Variants in NR3C1 observed in about 807,000 individuals in gnomAD.
The protein encoded by NR3C1 is nuclear receptor subfamily 3 group C member 1.
NR3C1 carries 14 observed loss-of-function variants against 74.0 expected under a neutral mutation model. The observed-to-expected ratio is 0.19, with a 90% CI of 0.12 to 0.30. The LOEUF is 0.30. NR3C1 is among the 10% of genes least tolerant of loss of function. The probability of loss-of-function intolerance (pLI) is 1.00; values close to 1 mark genes in which losing one functional copy is unlikely to be tolerated. For missense variants in NR3C1, 695 were observed against 909.8 expected (o/e 0.76, Z 3.04); for synonymous variants, 308 against 332.5 (o/e 0.93, Z 0.80).
At chr5:143,385,627 A>T (rs1837055494) in intron 2 of NR3C1, among the ~76,000 whole-genome samples, 1 of 152,224 alleles carries the variant, frequency 6.6e-6, no homozygotes, top group African/African-American at 2.4e-5. Flanking sequence ...GGCAGGGGCA[A>T]AATGCTGTCA....
In NR3C1 at chr5:143,402,944, G is replaced by C. The variant is rs1840613144; in HGVS notation, c.-14+267C>G. On this transcript the variant is annotated intron_variant, in intron 1 of 8. Transcript: ENST00000394464. ...AGAGGCTCGAAGCCCCCGGCAGTTC[G>C]ACAGGGCTCCGCTCGCCGTCCGAGG... The C allele has an allele frequency of 6.5e-6, 5 of 768,806 alleles. No homozygotes were observed. In the African/African-American group the frequency reaches 7.5e-5, roughly 12 times the overall value. 47.6% of individuals were successfully genotyped at this position (768,806 alleles called of 1,614,324 possible). A position where few individuals can be genotyped will look rare whatever the true frequency, so the allele number is the denominator to read the frequency against.
chr5:143,336,122 C>A (rs1484120460), intron 2 of NR3C1, among the ~76,000 whole-genome samples: 11 of 152,182 alleles, frequency 7.2e-5, no homozygotes, highest in African/African-American at 2.7e-4. Context: ...GAGGACATAG[C>A]TATAAAGCTC....
chr5:143,295,234 A>G (rs550777154), intron 7 of NR3C1: 2 of 985,330 alleles, frequency 2.0e-6, no homozygotes, highest in East Asian at 1.1e-4. Context: ...AGAGATCCCT[A>G]TGCAGCTCAT....
chr5:143,416,582 C>A (rs1358421877), intron 1 of NR3C1, among the ~76,000 whole-genome samples: 1 of 152,184 alleles, frequency 6.6e-6, no homozygotes, highest in African/African-American at 2.4e-5. Flanking sequence ...TATTCCCCCT[C>A]CTTCTCTTCC....
In NR3C1 at chr5:143,336,796, C is replaced by G. The variant is rs771805437; in HGVS notation, c.1185-22628G>C. 1.3e-4 allele frequency among the ~76,000 whole-genome samples: 20 copies of G among 151,690 alleles called. 1 individual carries two copies. The highest frequency in any genetic ancestry group is 2.4e-5 in the African/African-American group (1 of 41,364). On this transcript the variant is annotated intron_variant, in intron 2 of 8. Transcript: ENST00000394464. ...AGTGAGGAGTTCAAGTCCAGCCTGTCAACATGGCGAAACCCTGTTTCTATT... is the reference window on the plus strand; with the variant it reads ...AGTGAGGAGTTCAAGTCCAGCCTGTGAACATGGCGAAACCCTGTTTCTATT...
At chr5:143,337,616 A>G (rs1019017197) in intron 2 of NR3C1, among the ~76,000 whole-genome samples, 2 of 152,374 alleles carry the variant, frequency 1.3e-5, no homozygotes, top group South Asian at 2.1e-4. Flanking sequence ...AAACATCCAT[A>G]TATCTTATCT....
chr5:143,301,025 A>G (rs1192652423), intron 4 of NR3C1, among the ~76,000 whole-genome samples: 1 of 152,194 alleles, frequency 6.6e-6, no homozygotes, highest in Non-Finnish European at 1.5e-5. Flanking sequence ...TATACAAAGT[A>G]TTATAACGGT....
intron 1 of NR3C1, among the ~76,000 whole-genome samples, chr5:143,413,902 G>T (rs73797465): frequency 0.23 from 18,342 of 79,454 alleles, 1,339 homozygotes; most frequent in South Asian, 0.39. Context: ...GGAGAAAAGG[G>T]ATTTCTGGGC....
At chr5:143,289,537 C>T (rs150024563) in intron 7 of NR3C1, among the ~76,000 whole-genome samples, 20 of 152,264 alleles carry the variant, frequency 1.3e-4, no homozygotes, top group African/African-American at 3.4e-4. Context: ...AACAAAGACA[C>T]GAAGCTTTCT....
intron 1 of NR3C1, among the ~76,000 whole-genome samples, chr5:143,426,181 G>C (rs1751517628): frequency 6.6e-6 from 1 of 152,162 alleles, no homozygotes; most frequent in Admixed American, 6.5e-5. Flanking sequence ...CAAATCCATA[G>C]AGACAGAGAA....
Position 143,295,518 on chromosome 5 carries a change from C to T in NR3C1, c.1965G>A (p.Arg655=). The T allele has an allele frequency of 6.2e-7, 1 of 1,613,256 alleles. No homozygotes were observed. The highest frequency in any genetic ancestry group is 8.5e-7 in the Non-Finnish European group (1 of 1,179,500). The part of the protein sequence containing the change: ...HMLYVSSELH[R]LQVSYEEYLC... The stretch of plus-strand genomic sequence containing the variant: ...GATACTCTTCATAAGATACCTGAAG[C>T]CTGTGTAACTCAGAGGAAACATACA... Residue 655 remains arginine (R), a synonymous_variant, in exon 7 of 9, where the codon AGG becomes AGA. Transcript: ENST00000394464.
At chr5:143,371,480 G>A (rs187122156) in intron 2 of NR3C1, among the ~76,000 whole-genome samples, 24 of 152,290 alleles carry the variant, frequency 1.6e-4, no homozygotes, top group Admixed American at 6.5e-4. Context: ...TTGCTAAGAC[G>A]TAAGAGTGCT....
chr5:143,388,135 T>C (rs538671669), intron 2 of NR3C1, among the ~76,000 whole-genome samples: 6 of 152,352 alleles, frequency 3.9e-5, no homozygotes, highest in African/African-American at 1.4e-4. Flanking sequence ...AATTTTTCAA[T>C]GGTAAACAGA....
intron 2 of NR3C1, among the ~76,000 whole-genome samples, chr5:143,342,221 A>G (rs1055423118): frequency 1.3e-5 from 2 of 152,206 alleles, no homozygotes; most frequent in East Asian, 3.8e-4. Context: ...TTATGATCAT[A>G]CTATAATGAC....
chr5:143,420,106 C>T (rs1489563127), intron 1 of NR3C1, among the ~76,000 whole-genome samples: 1 of 152,212 alleles, frequency 6.6e-6, no homozygotes, highest in Non-Finnish European at 1.5e-5. Flanking sequence ...GGTTATCTCT[C>T]TTATTACCTG....
At chr5:143,284,791 G>A (rs539292647) in intron 7 of NR3C1, among the ~76,000 whole-genome samples, 54 of 152,134 alleles carry the variant, frequency 3.5e-4, no homozygotes, top group Admixed American at 5.3e-4. Context: ...AAACAAATAC[G>A]GTAAGCCATA....
chr5:143,346,441 T>A (rs903890825), intron 2 of NR3C1, among the ~76,000 whole-genome samples: 5 of 152,234 alleles, frequency 3.3e-5, no homozygotes, highest in African/African-American at 1.2e-4. Flanking sequence ...TTTAACAAAG[T>A]CAGTATCAGT....
At chr5:143,350,582 C>A (rs560264209) in intron 2 of NR3C1, among the ~76,000 whole-genome samples, 1 of 152,034 alleles carries the variant, frequency 6.6e-6, no homozygotes, top group Non-Finnish European at 1.5e-5. Flanking sequence ...GAAAAGATAC[C>A]CAGTTAGATA....
At chr5:143,285,320 A>G (rs1229864429) in intron 7 of NR3C1, among the ~76,000 whole-genome samples, 2 of 152,160 alleles carry the variant, frequency 1.3e-5, no homozygotes, top group Non-Finnish European at 2.9e-5. Flanking sequence ...AGTGGTTCTC[A>G]AAAGGGAGGG....
Sources: allele counts gnomAD v4.1 joint callset (sites outside exome capture counted in the v4.1 genomes callset), GRCh38; gene constraint gnomAD v4.1.1; transcripts MANE v1.5; gene names NCBI Gene and HGNC (gene_info 2026-07-23, HGNC 2026-07-21).